The following SLC39A11 variants were observed in gnomAD, a reference collection of about 807,000 sequenced individuals.
SLC39A11 encodes zinc transporter ZIP11.
In SLC39A11, 33 loss-of-function variants were observed where a neutral mutation model predicts 36.1. The ratio of observed to expected loss-of-function variants is 0.91; its 90% CI spans 0.69 to 1.22. SLC39A11 has a LOEUF of 1.22. Ranked by LOEUF, SLC39A11 falls within the 50% of genes most tolerant of loss-of-function variation. The pLI is 0.00. For synonymous variants in SLC39A11, 166 were observed against 170.3 expected, an observed-to-expected ratio of 0.97 and a Z score of 0.20; for missense variants, 432 against 430.3, an observed-to-expected ratio of 1.00 and a Z score of -0.03.
chr17:72,927,992 T>C (rs1432060894), intron 5 of SLC39A11, among the ~76,000 whole-genome samples: 1 of 152,068 alleles, frequency 6.6e-6, no homozygotes, highest in African/African-American at 2.4e-5. Flanking sequence ...AGAAACCATC[T>C]CACTCTCAAT....
chr17:73,026,435 A>T (rs1568146989), intron 4 of SLC39A11, among the ~76,000 whole-genome samples: 1 of 151,418 alleles, frequency 6.6e-6, no homozygotes, highest in Non-Finnish European at 1.5e-5. Flanking sequence ...GAATCGCCTG[A>T]ACCCGGGAGG....
chr17:72,776,523 ATTAAT>A (rs536784054), intron 6 of SLC39A11, among the ~76,000 whole-genome samples: 6 of 151,580 alleles, frequency 4.0e-5, no homozygotes, highest in Non-Finnish European at 8.8e-5. Context: ...TATCAAAATA[ATTAAT>A]TTGTCTTTTA....
At chr17:72,986,328 T>A (rs2088752458) in intron 4 of SLC39A11, among the ~76,000 whole-genome samples, 1 of 152,172 alleles carries the variant, frequency 6.6e-6, no homozygotes, top group South Asian at 2.1e-4. Flanking sequence ...AAACCACGGC[T>A]GGGGAGCTGG....
intron 6 of SLC39A11, chr17:72,817,796 C>T (rs755544137): frequency 6.6e-6 from 1 of 152,162 alleles, no homozygotes; most frequent in Non-Finnish European, 1.5e-5. Flanking sequence ...CTGTATTATT[C>T]CATTCTCACG....
intron 6 of SLC39A11, among the ~76,000 whole-genome samples, chr17:72,812,259 G>A (rs887112959): frequency 6.6e-6 from 1 of 152,170 alleles, no homozygotes; most frequent in Non-Finnish European, 1.5e-5. Context: ...TCAACCTGAT[G>A]GGCTGGCAAA....
intron 5 of SLC39A11, among the ~76,000 whole-genome samples, chr17:72,875,077 A>C (rs939825982): frequency 6.6e-6 from 1 of 152,226 alleles, no homozygotes; most frequent in Admixed American, 6.5e-5. Context: ...AAATCACAGC[A>C]AAGAGAGAAA....
At chr17:72,790,538 T>C (rs2076666932) in intron 6 of SLC39A11, among the ~76,000 whole-genome samples, 1 of 131,110 alleles carries the variant, frequency 7.6e-6, no homozygotes, top group Non-Finnish European at 1.7e-5. Flanking sequence ...TCTCTCTCTC[T>C]TTTTTTTTTT....
At chr17:72,697,187 A>AT (rs1488217423) in intron 7 of SLC39A11, among the ~76,000 whole-genome samples, 3 of 152,200 alleles carry the variant, frequency 2.0e-5, no homozygotes, top group Non-Finnish European at 4.4e-5. Flanking sequence ...AGATCAGGTG[A>AT]TCCCCCCATG....
chr17:72,852,361 C>G (rs560008304), intron 5 of SLC39A11, among the ~76,000 whole-genome samples: 13 of 152,070 alleles, frequency 8.5e-5, no homozygotes, highest in South Asian at 6.2e-4. Context: ...TTACTAACAG[C>G]TGAATCTCAG....
At chr17:72,837,942 A>G in intron 6 of SLC39A11, 2 of 1,230,052 alleles carry the variant, frequency 1.6e-6, no homozygotes, top group Non-Finnish European at 2.0e-6. Context: ...CCTCAGAGGT[A>G]CTGCTCAAAG....
chr17:72,649,834 C>T (rs960863720), intron 7 of SLC39A11, among the ~76,000 whole-genome samples: 5 of 152,098 alleles, frequency 3.3e-5, no homozygotes, highest in African/African-American at 1.2e-4. Flanking sequence ...CTCAAGTGAT[C>T]TGCCTGCCTT....
chr17:72,927,969 G>A (rs1349813222), intron 5 of SLC39A11, among the ~76,000 whole-genome samples: 1 of 152,080 alleles, frequency 6.6e-6, no homozygotes, highest in Non-Finnish European at 1.5e-5. Flanking sequence ...GTTAATAAAG[G>A]GTTAATAAAG....
intron 7 of SLC39A11, among the ~76,000 whole-genome samples, chr17:72,729,457 A>ATATTTTTTTTT (rs1555650680): frequency 1.4e-4 from 1 of 7,242 alleles, no homozygotes; most frequent in Non-Finnish European, 3.2e-4. Context: ...ATATATATAT[A>ATATTTTTTTTT]TTTTTTTTTT....
intron 4 of SLC39A11, among the ~76,000 whole-genome samples, chr17:73,022,486 C>A (rs1436390366): frequency 1.3e-5 from 2 of 150,870 alleles, no homozygotes; most frequent in Non-Finnish European, 2.9e-5. Context: ...TACCAGCTAC[C>A]CAGGAGGCTG....
chr17:73,031,340 C>T (rs769213872), intron 4 of SLC39A11, among the ~76,000 whole-genome samples: 14 of 152,022 alleles, frequency 9.2e-5, no homozygotes, highest in South Asian at 2.1e-4. Flanking sequence ...ATTCAAAATC[C>T]GAACTTACTA....
Position 72,759,497 on chromosome 17 carries a change from T to C in SLC39A11, c.602-22778A>G, listed in dbSNP as rs538378677. ...AAAGCTTTTGATTGTCATGACAGCA[T>C]GTGAAAAAGCTTTTTAAAAGCAGTA... On this transcript the variant is annotated intron_variant, in intron 6 of 9. Coordinates refer to ENST00000255559, the MANE Select transcript of SLC39A11 (RefSeq NM_139177.4). 3.3e-5 allele frequency among the ~76,000 whole-genome samples: 5 copies of C among 152,340 alleles called. No individual in the cohort carries two copies. The East Asian group carries it at 7.7e-4, about 23-fold the overall frequency.
At chr17:72,954,318 G>A (rs953025323) in intron 4 of SLC39A11, among the ~76,000 whole-genome samples, 14 of 152,244 alleles carry the variant, frequency 9.2e-5, no homozygotes, top group Non-Finnish European at 1.9e-4. Context: ...ATTGAAGCTT[G>A]TCAACAAGTC....
intron 4 of SLC39A11, among the ~76,000 whole-genome samples, chr17:72,953,711 C>T (rs2086037624): frequency 6.6e-6 from 1 of 152,252 alleles, no homozygotes; most frequent in African/African-American, 2.4e-5. Flanking sequence ...GCCCTCAAAC[C>T]TTGCTGCAAG....
intron 7 of SLC39A11, among the ~76,000 whole-genome samples, chr17:72,716,323 A>C (rs780929151): frequency 7.9e-5 from 12 of 152,110 alleles, no homozygotes; most frequent in Non-Finnish European, 1.5e-4. Context: ...TGAAGTCCCA[A>C]AGAATGCTGT....
Sources: gnomAD v4.1 joint callset for allele counts (sites outside exome capture counted in the v4.1 genomes callset) on GRCh38, gnomAD v4.1.1 for gene constraint, MANE v1.5 for transcripts, NCBI Gene and HGNC (gene_info 2026-07-23, HGNC 2026-07-21) for gene names.